Variants in RPS6KL1 observed in about 807,000 individuals in gnomAD.
RPS6KL1 encodes ribosomal protein S6 kinase like 1, also known as ribosomal protein S6 kinase-like 1.
Under a neutral mutation model 57.0 loss-of-function variants are expected in RPS6KL1, and 41 were observed. That is an observed-to-expected ratio of 0.72 (90% CI 0.56 to 0.93). The LOEUF (loss-of-function observed/expected upper bound fraction) is 0.93, where lower values mean the gene tolerates loss of function less well. Ranked by LOEUF, RPS6KL1 falls within the 40% of genes least tolerant of loss-of-function variation. The pLI is 0.00. For missense variants in RPS6KL1, 697 were observed against 727.7 expected (o/e 0.96, Z 0.49); for synonymous variants, 287 against 309.7 (o/e 0.93, Z 0.77).
chr14:74,921,587 G>T (rs1436764463), intron 2 of RPS6KL1, 26 bp from the exon 3 acceptor site: 5 of 1,588,826 alleles, frequency 3.1e-6, no homozygotes, highest in Non-Finnish European at 4.3e-6. Context: ...GCATTAGGGA[G>T]GACCTAGCTG....
Position 74,909,801 on chromosome 14 carries a change from CTG to C in RPS6KL1, c.1010_1011del (p.Ser337Ter). On this transcript the variant is annotated frameshift_variant, in exon 8 of 12. Coordinates refer to ENST00000557413, the MANE Select transcript of RPS6KL1 (RefSeq NM_031464.5). LOFTEE classifies it high-confidence loss of function. ...GTGAGCCCCCGAGGGGGCCCAGCGT[CTG>C]AGTTCTGGCCAGCCCTCCTAGCTTG... ...HLQARRAGQN[S>X]DAGPPRGLTW... 1 of 1,606,996 alleles carries C rather than the reference CTG, an allele frequency of 6.2e-7. No individual in the cohort carries two copies.
Position 74,910,031 on chromosome 14 carries a change from G to A in RPS6KL1, c.782C>T (p.Thr261Ile), listed in dbSNP as rs1231872659. 6.2e-7 allele frequency: 1 copy of A among 1,613,540 alleles called. No homozygotes were observed. Among genetic ancestry groups the A allele is most frequent in the Non-Finnish European group, 8.5e-7 (1 of 1,179,888 alleles). The change falls in exon 8 of 12, where the codon ACC becomes ATC. Residue 261 changes from threonine (T) to isoleucine (I), a missense_variant. Coordinates refer to ENST00000557413, the MANE Select transcript of RPS6KL1 (RefSeq NM_031464.5). ...ATGGCCTGAGGGAAGCCTCGCTGGG[G>A]TCAGGAGGTTGAGGTGGGGGTTGAG... ...AQLNPHLNLL[T>I]PARLPSGHAP...
In RPS6KL1 at chr14:74,911,811, C is replaced by G. The variant is rs1886049248; in HGVS notation, c.514G>C (p.Gly172Arg). Residue 172 changes from glycine to arginine, a missense_variant, in exon 6 of 12, where the codon GGG becomes CGG. Gly to Arg is a moderately radical substitution (Grantham distance 125). Coordinates refer to ENST00000557413, the MANE Select transcript of RPS6KL1 (RefSeq NM_031464.5). The stretch of plus-strand genomic sequence containing the variant: ...GCACCTGCCTTCACCACAAAGGTCC[C>G]TCCGGTTGCCGGGTCCTGGACCAGC... ...VQLVQDPATGGTFVVKSLPRC... is the reference protein window; with the variant it reads ...VQLVQDPATGRTFVVKSLPRC... 1 of 1,553,986 alleles carries G rather than the reference C, an allele frequency of 6.4e-7. No individual in the cohort carries two copies. The highest frequency in any genetic ancestry group is 1.9e-5 in the Admixed American group (1 of 51,424).
rs1887960618 is a variant in RPS6KL1, at chr14:74,922,143, T to G, written c.-186A>C. ...AACATTTCTGGAGCATCTGGTACTGTGTTGAGCTCTGGAGAGAGCTGAGGA... is the reference window on the plus strand; with the variant it reads ...AACATTTCTGGAGCATCTGGTACTGGGTTGAGCTCTGGAGAGAGCTGAGGA... On this transcript the variant is annotated 5_prime_UTR_variant, in exon 2 of 12. Coordinates refer to ENST00000557413, the MANE Select transcript of RPS6KL1 (RefSeq NM_031464.5). 3 of 964,646 alleles carry G rather than the reference T, an allele frequency of 3.1e-6. No individual in the cohort carries two copies. Among genetic ancestry groups the G allele is most frequent in the Non-Finnish European group, 3.7e-6 (3 of 807,800 alleles). 59.8% of individuals were successfully genotyped at this position (964,646 alleles called of 1,614,324 possible). A position where few individuals can be genotyped will look rare whatever the true frequency, so the allele number is the denominator to read the frequency against.
intron 6 of RPS6KL1, 65 bp from the exon 7 acceptor site, chr14:74,911,445 T>A: frequency 6.4e-7 from 1 of 1,558,876 alleles, no homozygotes; most frequent in Non-Finnish European, 8.7e-7. Context: ...TTAGGGGACC[T>A]CCTAGCCCTG....
Position 74,922,058 on chromosome 14 carries a change from C to T in RPS6KL1, c.-101G>A. 2.3e-6 allele frequency: 1 copy of T among 426,316 alleles called. No homozygotes were observed. Among genetic ancestry groups the T allele is most frequent in the Non-Finnish European group, 3.2e-6 (1 of 312,250 alleles). 26.4% of individuals were successfully genotyped at this position (426,316 alleles called of 1,614,324 possible). ...CCTCCCACAGTGCTGGGATTATAGACGTGAGCCACCGCGCAGGCCTGGGGC... is the reference window on the plus strand; with the variant it reads ...CCTCCCACAGTGCTGGGATTATAGATGTGAGCCACCGCGCAGGCCTGGGGC... On this transcript the variant is annotated 5_prime_UTR_variant, in exon 2 of 12. Transcript: ENST00000557413.
chr14:74,911,331 G>A lies in RPS6KL1; in HGVS notation c.581C>T (p.Pro194Leu). Reference sequence around the variant, plus strand: ...CTTCGTCATGTAGGGGACTCCGTGTGGGATGATGGTCAGCCGCTCCCTGCT... The same window carrying A: ...CTTCGTCATGTAGGGGACTCCGTGTAGGATGATGGTCAGCCGCTCCCTGCT... The part of the protein sequence containing the change: ...MVSRERLTII[P>L]HGVPYMTKLL... The change falls in exon 7 of 12, where the codon CCA becomes CTA. Residue 194 changes from proline to leucine, a missense_variant. Pro to Leu is a moderately conservative substitution (Grantham distance 98). Coordinates refer to ENST00000557413, the MANE Select transcript of RPS6KL1 (RefSeq NM_031464.5). The A allele has an allele frequency of 6.2e-7, 1 of 1,611,716 alleles. No individual in the cohort carries two copies. Among genetic ancestry groups the A allele is most frequent in the Non-Finnish European group, 8.5e-7 (1 of 1,179,910 alleles).
chr14:74,907,437 C>CA lies in RPS6KL1; in HGVS notation c.1536dup (p.Glu513Ter). Reference sequence around the variant, plus strand: ...CCTCTGGCCGGGCTACACCTCACCTCAGTCAGCAGAGAGGCCGCTGGGCGA... The same window carrying CA: ...CCTCTGGCCGGGCTACACCTCACCTCAAGTCAGCAGAGAGGCCGCTGGGCGA... On this transcript the variant is annotated frameshift_variant, in exon 11 of 12. Coordinates refer to ENST00000557413, the MANE Select transcript of RPS6KL1 (RefSeq NM_031464.5). LOFTEE classifies it high-confidence loss of function. 1 of 1,574,876 alleles carries CA rather than the reference C, an allele frequency of 6.3e-7. No individual in the cohort carries two copies.
chr14:74,921,686 T>C, intron 2 of RPS6KL1, 125 bp from the exon 3 acceptor site: 1 of 1,449,568 alleles, frequency 6.9e-7, no homozygotes, highest in Non-Finnish European at 9.0e-7. Context: ...GGGTCAGAGC[T>C]AAAGTGGGTA....
chr14:74,914,494 C>T (rs1479419295), intron 5 of RPS6KL1, among the ~76,000 whole-genome samples: 1 of 152,234 alleles, frequency 6.6e-6, no homozygotes, highest in Non-Finnish European at 1.5e-5. Context: ...TAAAACCAAC[C>T]TCAGTATTCA....
At position 74,909,731 on chromosome 14, in the gene RPS6KL1, C is replaced by G. The variant is rs1187696947; in HGVS notation, c.1082G>C (p.Arg361Pro). 6.2e-7 allele frequency: 1 copy of G among 1,608,030 alleles called. No homozygotes were observed. The highest frequency in any genetic ancestry group is 8.5e-7 in the Non-Finnish European group (1 of 1,179,694). Residue 361 changes from arginine to proline, a missense_variant, in exon 8 of 12, where the codon CGA (arginine) becomes CCA (proline). Arg to Pro is a moderately radical substitution (Grantham distance 103, BLOSUM62 -2). Coordinates refer to ENST00000557413, the MANE Select transcript of RPS6KL1 (RefSeq NM_031464.5). ...GAGPVLGGCG[R>P]GMDQSCLSAD... is the part of the protein sequence containing the mutation. ...TGACAGGCAGCTCTGATCCATGCCT[C>G]GGCCACAGCCCCCTAGCACCGGGCC...
Position 74,904,366 on chromosome 14 carries a change from A to C in RPS6KL1, c.*2648T>G, listed in dbSNP as rs1320426275. ...ATTGTAAATGCTTCTCATCAGACTT[A>C]AGGAGCCTGTTTTAACAGTAATTCC... On this transcript the variant is annotated 3_prime_UTR_variant, in exon 12 of 12. Transcript: ENST00000557413. 6.6e-6 allele frequency: 1 copy of C among 152,190 alleles called. No homozygotes were observed. Among genetic ancestry groups the C allele is most frequent in the Non-Finnish European group, 1.5e-5 (1 of 68,034 alleles). The allele number at this position is 152,190 out of a possible 1,614,324, so 9.4% of individuals were successfully genotyped here.
At position 74,906,481 on chromosome 14, in the gene RPS6KL1, T is replaced by C; in HGVS notation, c.*533A>G. On this transcript the variant is annotated 3_prime_UTR_variant, in exon 12 of 12. Coordinates refer to ENST00000557413, the MANE Select transcript of RPS6KL1 (RefSeq NM_031464.5). ...CTGCACAACAGATGGCATCCCTGCT[T>C]CTGGGCCTCCCCAGCTGCACGAACA... 1 of 462,206 alleles carries C rather than the reference T, an allele frequency of 2.2e-6. No homozygotes were observed. The highest frequency in any genetic ancestry group is 4.6e-6 in the Non-Finnish European group (1 of 219,764). The allele number at this position is 462,206 out of a possible 1,614,324, so 28.6% of individuals were successfully genotyped here. A position where few individuals can be genotyped will look rare whatever the true frequency, so the allele number is the denominator to read the frequency against.
At chr14:74,918,373 C>A in intron 5 of RPS6KL1, 140 bp downstream of exon 5, 2 of 594,036 alleles carry the variant, frequency 3.4e-6, no homozygotes, top group Non-Finnish European at 5.8e-6. Context: ...GCACTCCCCA[C>A]TGACCCCTGC....
In RPS6KL1 at chr14:74,922,335, A is replaced by G; in HGVS notation, c.-378T>C. 1 of 984,102 alleles carries G rather than the reference A, an allele frequency of 1.0e-6. No homozygotes were observed. Among genetic ancestry groups the G allele is most frequent in the African/African-American group, 1.7e-5 (1 of 57,184 alleles). 61.0% of individuals were successfully genotyped at this position (984,102 alleles called of 1,614,324 possible). ...TCCCTGCTCCTCCTGTGGGAATCTCATTTACCCTTTGGGGTTTAGCACTTC... is the reference window on the plus strand; with the variant it reads ...TCCCTGCTCCTCCTGTGGGAATCTCGTTTACCCTTTGGGGTTTAGCACTTC... On this transcript the variant is annotated 5_prime_UTR_variant, in exon 2 of 12. The change abolishes an upstream ATG in the 5' untranslated region. Coordinates refer to ENST00000557413, the MANE Select transcript of RPS6KL1 (RefSeq NM_031464.5).
Position 74,906,927 on chromosome 14 carries a change from T to TTGAC in RPS6KL1, c.*86_*87insGTCA. ...CCATTCCTCGCCCAAAGCCCGCTGATAGAGGGCCAGCCCTGGGTTGGGTGT... is the reference window on the plus strand; with the variant it reads ...CCATTCCTCGCCCAAAGCCCGCTGATTGACAGAGGGCCAGCCCTGGGTTGGGTGT... On this transcript the variant is annotated 3_prime_UTR_variant, in exon 12 of 12. Transcript: ENST00000557413. 2 of 1,074,768 alleles carry TTGAC rather than the reference T, an allele frequency of 1.9e-6. No homozygotes were observed. The highest frequency in any genetic ancestry group is 2.9e-6 in the Non-Finnish European group (2 of 694,710). 66.6% of individuals were successfully genotyped at this position (1,074,768 alleles called of 1,614,324 possible). A position where few individuals can be genotyped will look rare whatever the true frequency, so the allele number is the denominator to read the frequency against.
chr14:74,920,910 T>A (rs1887723595), intron 3 of RPS6KL1, among the ~76,000 whole-genome samples: 1 of 152,190 alleles, frequency 6.6e-6, no homozygotes, highest in African/African-American at 2.4e-5. Flanking sequence ...TTGTGCCATT[T>A]GATAGCTGTG....
At position 74,910,041 on chromosome 14, in the gene RPS6KL1, T is replaced by G; in HGVS notation, c.772A>C (p.Asn258His). The part of the protein sequence containing the change: ...RMKAQLNPHL[N>H]LLTPARLPSG... ...GGAAGCCTCGCTGGGGTCAGGAGGT[T>G]GAGGTGGGGGTTGAGCTGAGCCTTC... Residue 258 changes from asparagine (N) to histidine (H), a missense_variant, in exon 8 of 12, where the codon AAC (asparagine) becomes CAC (histidine). Coordinates refer to ENST00000557413, the MANE Select transcript of RPS6KL1 (RefSeq NM_031464.5). 1 of 1,613,172 alleles carries G rather than the reference T, an allele frequency of 6.2e-7. No individual in the cohort carries two copies. The highest frequency in any genetic ancestry group is 1.1e-5 in the South Asian group (1 of 91,064).
chr14:74,919,200 G>T (rs906243929), intron 4 of RPS6KL1, among the ~76,000 whole-genome samples: 2 of 152,188 alleles, frequency 1.3e-5, no homozygotes, highest in Non-Finnish European at 2.9e-5. Context: ...TCCCAAGGTG[G>T]GGATAGGGAA....
Sources: gnomAD v4.1 joint callset for allele counts (sites outside exome capture counted in the v4.1 genomes callset) on GRCh38, gnomAD v4.1.1 for gene constraint, MANE v1.5 for transcripts, NCBI Gene and HGNC (gene_info 2026-07-23, HGNC 2026-07-21) for gene names.